The following ASPHD2 variants were observed in gnomAD, a reference collection of about 807,000 sequenced individuals.
ASPHD2 encodes aspartate beta-hydroxylase domain containing 2, also known as aspartate beta-hydroxylase domain-containing protein 2.
Under a neutral mutation model 34.6 loss-of-function variants are expected in ASPHD2, and 12 were observed. The ratio of observed to expected loss-of-function variants is 0.35; its 90% CI spans 0.22 to 0.56. The LOEUF (loss-of-function observed/expected upper bound fraction) is 0.56. Among genes scored for constraint, ASPHD2 ranks in the 20% least tolerant of loss-of-function variants. The pLI is 0.87. For synonymous variants in ASPHD2, 224 were observed against 212.2 expected (o/e 1.06, Z -0.48); for missense variants, 375 against 505.0 (o/e 0.74, Z 2.47).
chr22:26,438,624 C>CAT (rs879636467), intron 2 of ASPHD2, among the ~76,000 whole-genome samples: 21 of 94,364 alleles, frequency 2.2e-4, no homozygotes, highest in African/African-American at 8.4e-4. Flanking sequence ...TATATACACA[C>CAT]ATATATATAC....
At position 26,434,053 on chromosome 22, in the gene ASPHD2, C is replaced by T; in HGVS notation, c.438C>T (p.His146=). The T allele has an allele frequency of 6.2e-7, 1 of 1,613,546 alleles. No individual in the cohort carries two copies. Among genetic ancestry groups the T allele is most frequent in the Non-Finnish European group, 8.5e-7 (1 of 1,179,968 alleles). ...RYSWSGMGRI[H]KGIREQGRYL... is the part of the protein sequence containing the mutation. Reference sequence around the variant, plus strand: ...CCTGGTCCGGCATGGGCCGCATCCACAAGGGCATCCGCGAGCAGGGCCGGT... The same window carrying T: ...CCTGGTCCGGCATGGGCCGCATCCATAAGGGCATCCGCGAGCAGGGCCGGT... The change falls in exon 2 of 4, where the codon CAC becomes CAT. Residue 146 remains histidine (H), a synonymous_variant. Transcript: ENST00000215906.
chr22:26,440,751 C>G (rs1299767709), intron 2 of ASPHD2, among the ~76,000 whole-genome samples: 1 of 152,182 alleles, frequency 6.6e-6, no homozygotes, highest in Non-Finnish European at 1.5e-5. Flanking sequence ...CGCCATTCTC[C>G]AGCCTCAAAA....
rs1451332810 is a variant in ASPHD2, at chr22:26,434,304, C to T, written c.689C>T (p.Thr230Ile). Reference sequence around the variant, plus strand: ...AGCACCCCCAGCGGGGAGTGGTTCACCTTTTACTTGGTCAATCAGGGGGTT... The same window carrying T: ...AGCACCCCCAGCGGGGAGTGGTTCATCTTTTACTTGGTCAATCAGGGGGTT... ...MNSTPSGEWF[T>I]FYLVNQGVCV... Residue 230 changes from threonine (T) to isoleucine (I), a missense_variant, in exon 2 of 4, where the codon ACC (threonine) becomes ATC (isoleucine). Physicochemically the swap from Thr to Ile is moderately conservative, Grantham distance 89 (BLOSUM62 -1). Coordinates refer to ENST00000215906, the MANE Select transcript of ASPHD2 (RefSeq NM_020437.5). The T allele has an allele frequency of 5.6e-6, 9 of 1,614,184 alleles. No homozygotes were observed. The highest frequency in any genetic ancestry group is 7.6e-6 in the Non-Finnish European group (9 of 1,180,032).
In ASPHD2 at chr22:26,433,338, G is replaced by A; in HGVS notation, c.-224-54G>A. 2.0e-6 allele frequency: 1 copy of A among 501,096 alleles called. No individual in the cohort carries two copies. Among genetic ancestry groups the A allele is most frequent in the South Asian group, 2.5e-5 (1 of 39,766 alleles). The allele number at this position is 501,096 out of a possible 1,614,324, so 31.0% of individuals were successfully genotyped here. On this transcript the variant is annotated intron_variant, in intron 1 of 3. Transcript: ENST00000215906. The surrounding 1 kb of genome is among the most constrained non-coding windows in gnomAD (Gnocchi z 5.1). ...GAACGATCTAACACTTTACATTTCAGTTGAGGACTTTTCCAGGTGTAAAAT... is the reference window on the plus strand; with the variant it reads ...GAACGATCTAACACTTTACATTTCAATTGAGGACTTTTCCAGGTGTAAAAT...
chr22:26,441,645 G>A (rs2084841495), intron 2 of ASPHD2, among the ~76,000 whole-genome samples: 1 of 151,996 alleles, frequency 6.6e-6, no homozygotes, highest in Non-Finnish European at 1.5e-5. Flanking sequence ...CAAAAATTCG[G>A]CCAGGTGCAG....
rs1182267409 is a variant in ASPHD2 at position 26,429,302 on chromosome 22, G to C, written c.-409G>C. The C allele has an allele frequency of 6.7e-6, 1 of 149,474 alleles. No homozygotes were observed. Among genetic ancestry groups the C allele is most frequent in the Non-Finnish European group, 1.5e-5 (1 of 66,866 alleles). 9.3% of individuals were successfully genotyped at this position (149,474 alleles called of 1,614,324 possible). A position where few individuals can be genotyped will look rare whatever the true frequency, so the allele number is the denominator to read the frequency against. The stretch of plus-strand genomic sequence containing the variant: ...CCCCGCGGAGCGCAGCGCGGCGTCG[G>C]CACCGGCAGGGGCACCGGCGCGGCT... On this transcript the variant is annotated 5_prime_UTR_variant, in exon 1 of 4. Transcript: ENST00000215906. The surrounding 1 kb of genome is among the most constrained non-coding windows in gnomAD (Gnocchi z 4.5).
rs376267971 is a variant in ASPHD2, at chr22:26,433,884, A to G, written c.269A>G (p.Asn90Ser). The change falls in exon 2 of 4, where the codon AAC becomes AGC. Residue 90 changes from asparagine (N) to serine (S), a missense_variant. Coordinates refer to ENST00000215906, the MANE Select transcript of ASPHD2 (RefSeq NM_020437.5). This position sits in a 1 kb window ranked among gnomAD's most constrained non-coding sequence, Gnocchi z 5.1. ...REQPRPYVSV[N>S]SLMQAADANG... ...CAGCCCCGGCCCTACGTCTCCGTCA[A>G]CTCCCTCATGCAGGCTGCCGATGCC... 5.4e-5 allele frequency: 87 copies of G among 1,613,356 alleles called. No homozygotes were observed. The highest frequency in any genetic ancestry group is 7.2e-5 in the Non-Finnish European group (85 of 1,179,984).
At position 26,442,478 on chromosome 22, in the gene ASPHD2, C is replaced by T. The variant is rs769972366; in HGVS notation, c.906C>T (p.Gly302=). Residue 302 remains glycine, a synonymous_variant, in exon 3 of 4, where the codon GGC becomes GGT. Coordinates refer to ENST00000215906, the MANE Select transcript of ASPHD2 (RefSeq NM_020437.5). ...RCHLGLKTPN[G]CELVVGGEPQ... is the part of the protein sequence containing the mutation. Reference sequence around the variant, plus strand: ...TACAAGGTCTGAAAACTCCAAATGGCTGTGAGCTGGTGGTGGGGGGAGAGC... The same window carrying T: ...TACAAGGTCTGAAAACTCCAAATGGTTGTGAGCTGGTGGTGGGGGGAGAGC... 6.2e-7 allele frequency: 1 copy of T among 1,602,916 alleles called. No individual in the cohort carries two copies. Among genetic ancestry groups the T allele is most frequent in the South Asian group, 1.1e-5 (1 of 88,978 alleles).
rs543380312 is a variant in ASPHD2 at position 26,433,867 on chromosome 22, G to A, written c.252G>A (p.Arg84=). 165 of 1,613,880 alleles carry A rather than the reference G, an allele frequency of 1.0e-4. 1 individual carries two copies. In the South Asian group the frequency reaches 1.7e-3, roughly 17 times the overall value. ...ATCACGTGGGCAGGGAGCAGCCCCG[G>A]CCCTACGTCTCCGTCAACTCCCTCA... is the stretch of plus-strand genomic sequence containing the variant. ...YCYHVGREQP[R]PYVSVNSLMQ... Residue 84 remains arginine, a synonymous_variant, in exon 2 of 4, where the codon CGG becomes CGA. Coordinates refer to ENST00000215906, the MANE Select transcript of ASPHD2 (RefSeq NM_020437.5). This position sits in a 1 kb window ranked among gnomAD's most constrained non-coding sequence, Gnocchi z 5.1.
intron 2 of ASPHD2, among the ~76,000 whole-genome samples, 180 bp from the exon 3 acceptor site, chr22:26,442,279 T>C (rs2084853092): frequency 6.6e-6 from 1 of 152,094 alleles, no homozygotes; most frequent in South Asian, 2.1e-4. Flanking sequence ...GGTTTCAACA[T>C]GGGAATTTGC....
chr22:26,431,371 TTCC>T (rs1358251900), intron 1 of ASPHD2, among the ~76,000 whole-genome samples: 1 of 151,780 alleles, frequency 6.6e-6, no homozygotes, highest in African/African-American at 2.4e-5. Context: ...TCATAGCCTT[TTCC>T]TCTTCTCCTG....
chr22:26,437,752 G>A (rs1056476727), intron 2 of ASPHD2, among the ~76,000 whole-genome samples: 1 of 152,104 alleles, frequency 6.6e-6, no homozygotes, highest in African/African-American at 2.4e-5. Flanking sequence ...CTGAGTGCCC[G>A]GTTGCCAGCC....
rs779101531 is a variant in ASPHD2, at chr22:26,443,188, C to G, written c.1092C>G (p.Ile364Met). 6.2e-7 allele frequency: 1 copy of G among 1,614,120 alleles called. No homozygotes were observed. Among genetic ancestry groups the G allele is most frequent in the Non-Finnish European group, 8.5e-7 (1 of 1,179,978 alleles). The change falls in exon 4 of 4, where the codon ATC (isoleucine) becomes ATG (methionine). Residue 364 changes from isoleucine to methionine, a missense_variant. Physicochemically the swap from Ile to Met is conservative, Grantham distance 10. Around this residue, in one of 3 missense-constraint regions of ASPHD2, gnomAD observed 142 missense variants for 217.9 expected, o/e 0.65. Transcript: ENST00000215906. The part of the protein sequence containing the change: ...AAAERQALDF[I>M]FAPGR ...CCGAACGGCAGGCTCTTGATTTCAT[C>G]TTTGCTCCGGGACGATGAGAGTATT...
In ASPHD2 at chr22:26,433,702, C is replaced by T. The variant is rs373530145; in HGVS notation, c.87C>T (p.Leu29=). Residue 29 remains leucine, a synonymous_variant, in exon 2 of 4, where the codon CTC becomes CTT. Coordinates refer to ENST00000215906, the MANE Select transcript of ASPHD2 (RefSeq NM_020437.5). The surrounding 1 kb of genome is among the most constrained non-coding windows in gnomAD (Gnocchi z 5.1). The part of the protein sequence containing the change: ...TPSKDSPKMS[L]EWLVAWSWSL... ...GTAAGGACTCCCCCAAGATGTCGCT[C>T]GAGTGGCTGGTGGCCTGGAGCTGGT... The T allele has an allele frequency of 1.2e-5, 20 of 1,613,978 alleles. No homozygotes were observed. In the African/African-American group the frequency reaches 2.0e-4, roughly 16 times the overall value.
chr22:26,430,301 C>A (rs1039178330), intron 1 of ASPHD2, among the ~76,000 whole-genome samples: 1 of 152,220 alleles, frequency 6.6e-6, no homozygotes, highest in Admixed American at 6.5e-5. Flanking sequence ...CCAGGTCAGG[C>A]CTGACACCGG....
intron 2 of ASPHD2, among the ~76,000 whole-genome samples, chr22:26,439,378 G>A (rs531985703): frequency 7.2e-5 from 11 of 152,220 alleles, no homozygotes; most frequent in African/African-American, 2.2e-4. Flanking sequence ...CAGCCTGGGC[G>A]ACAGAGCACG....
intron 1 of ASPHD2, among the ~76,000 whole-genome samples, chr22:26,430,510 G>A (rs531557941): frequency 6.6e-6 from 1 of 152,340 alleles, no homozygotes; most frequent in East Asian, 1.9e-4. Context: ...GAACAGATGT[G>A]CGAAGGAAGC....
In ASPHD2 at chr22:26,444,635, C is replaced by T. The variant is rs565973547; in HGVS notation, c.*1429C>T. On this transcript the variant is annotated 3_prime_UTR_variant, in exon 4 of 4. Transcript: ENST00000215906. ...GAGTGGTTTGGAATATACAGCTGGT[C>T]GCAGGTGCAGGTCCAGTGTTTAGAT... 3 of 152,256 alleles carry T rather than the reference C, an allele frequency of 2.0e-5. No individual in the cohort carries two copies. Among genetic ancestry groups the T allele is most frequent in the East Asian group, 3.9e-4 (2 of 5,182 alleles). The allele number at this position is 152,256 out of a possible 1,614,324, so 9.4% of individuals were successfully genotyped here. A position where few individuals can be genotyped will look rare whatever the true frequency, so the allele number is the denominator to read the frequency against.
At position 26,429,599 on chromosome 22, in the gene ASPHD2, A is replaced by ACCGGCG. The variant is rs2084744232; in HGVS notation, c.-225+117_-225+122dup. On this transcript the variant is annotated intron_variant, in intron 1 of 3. Transcript: ENST00000215906. The surrounding 1 kb of genome is among the most constrained non-coding windows in gnomAD (Gnocchi z 4.5). ...AGCTGCAGGCCCACGGCCCTCCCTT[A>ACCGGCG]CCGGCGCCGCCGCCGCCGCCGCCCC... 1 of 153,516 alleles carries ACCGGCG rather than the reference A, an allele frequency of 6.5e-6. No individual in the cohort carries two copies. The highest frequency in any genetic ancestry group is 1.4e-5 in the Non-Finnish European group (1 of 69,816). The allele number at this position is 153,516 out of a possible 1,614,324, so 9.5% of individuals were successfully genotyped here.
Sources: allele counts gnomAD v4.1 joint callset (sites outside exome capture counted in the v4.1 genomes callset), GRCh38; gene constraint gnomAD v4.1.1; regional missense constraint gnomAD v4.1.1; non-coding constraint Gnocchi (gnomAD v3.1); transcripts MANE v1.5; gene names NCBI Gene and HGNC (gene_info 2026-07-23, HGNC 2026-07-21).